The following VAPB variants were observed in gnomAD, a reference collection of about 807,000 sequenced individuals.
The protein encoded by VAPB is VAMP associated protein B and C.
A neutral mutation model predicts 25.6 loss-of-function variants in VAPB; 7 were observed. The observed-to-expected ratio is 0.27, with a 90% confidence interval of 0.16 to 0.51. The LOEUF is 0.51. Among genes scored for constraint, VAPB ranks in the 20% least tolerant of loss-of-function variants. The probability of loss-of-function intolerance (pLI) is 0.97; values close to 1 mark genes in which losing one functional copy is unlikely to be tolerated. For synonymous variants in VAPB, 112 were observed against 109.2 expected, an observed-to-expected ratio of 1.03 and a Z score of -0.16; for missense variants, 266 against 301.3, an observed-to-expected ratio of 0.88 and a Z score of 0.87.
At chr20:58,423,448 A>AAAAAAAAAAAAAC (rs1988718143) in intron 2 of VAPB, among the ~76,000 whole-genome samples, 1 of 140,976 alleles carries the variant, frequency 7.1e-6, no homozygotes, top group Non-Finnish European at 1.5e-5. Context: ...AAAAAAAAAA[A>AAAAAAAAAAAAAC]AGAAAAGAAA....
At chr20:58,437,711 A>C (rs1284813506) in intron 3 of VAPB, among the ~76,000 whole-genome samples, 1 of 151,958 alleles carries the variant, frequency 6.6e-6, no homozygotes, top group Non-Finnish European at 1.5e-5. Context: ...ATTCTTTGCG[A>C]TTTTTTCACT....
chr20:58,449,859 T>A lies in VAPB; in HGVS notation c.*5624T>A, dbSNP rs1448156366. 1 of 454,126 alleles carries A rather than the reference T, an allele frequency of 2.2e-6. No homozygotes were observed. Among genetic ancestry groups the A allele is most frequent in the Non-Finnish European group, 4.4e-6 (1 of 226,776 alleles). 28.1% of individuals were successfully genotyped at this position (454,126 alleles called of 1,614,324 possible). On this transcript the variant is annotated 3_prime_UTR_variant, in exon 6 of 6. Coordinates refer to ENST00000475243, the MANE Select transcript of VAPB (RefSeq NM_004738.5). ...AGCTGCAGGAGTGCGCCTGGCCTTC[T>A]GCAGGTGGAGCTGCTGTCAGAGCTT...
Position 58,439,022 on chromosome 20 carries a change from A to G in VAPB, c.393A>G (p.Lys131=). The G allele has an allele frequency of 3.7e-6, 6 of 1,611,916 alleles. No homozygotes were observed. The highest frequency in any genetic ancestry group is 5.1e-6 in the Non-Finnish European group (6 of 1,178,274). ...TTGAATTGCCAGCAGAGAATGATAA[A>G]CCAGTAAGTATATTTATAGTTAACA... The part of the protein sequence containing the change: ...CVFELPAEND[K]PHDVEINKII... The change falls in exon 4 of 6, where the codon AAA becomes AAG. Residue 131 remains lysine (K), a synonymous_variant. Transcript: ENST00000475243.
intron 1 of VAPB, among the ~76,000 whole-genome samples, chr20:58,412,476 T>C (rs1033447507): frequency 6.1e-5 from 9 of 148,332 alleles, no homozygotes; most frequent in Admixed American, 2.0e-4. Flanking sequence ...ACTTGGGAGG[T>C]TGGGGCATGA....
At position 58,445,284 on chromosome 20, in the gene VAPB, C is replaced by T. The variant is rs990869685; in HGVS notation, c.*1049C>T. ...TCTCAACCATTACTCACACTTCCAGCGCCCAGGTCCAAGTCTGAGCCTGAC... is the reference window on the plus strand; with the variant it reads ...TCTCAACCATTACTCACACTTCCAGTGCCCAGGTCCAAGTCTGAGCCTGAC... On this transcript the variant is annotated 3_prime_UTR_variant, in exon 6 of 6. Coordinates refer to ENST00000475243, the MANE Select transcript of VAPB (RefSeq NM_004738.5). 4 of 454,184 alleles carry T rather than the reference C, an allele frequency of 8.8e-6. No homozygotes were observed. The highest frequency in any genetic ancestry group is 2.0e-5 in the African/African-American group (1 of 49,976). 28.1% of individuals were successfully genotyped at this position (454,184 alleles called of 1,614,324 possible). A position where few individuals can be genotyped will look rare whatever the true frequency, so the allele number is the denominator to read the frequency against.
chr20:58,414,330 C>G (rs1377024377), intron 1 of VAPB, among the ~76,000 whole-genome samples: 4 of 150,116 alleles, frequency 2.7e-5, no homozygotes, highest in East Asian at 4.0e-4. Context: ...GGCTGACCCC[C>G]CCCACCTCCC....
At chr20:58,410,971 A>G (rs1407708246) in intron 1 of VAPB, among the ~76,000 whole-genome samples, 2 of 152,188 alleles carry the variant, frequency 1.3e-5, no homozygotes, top group African/African-American at 4.8e-5. Context: ...GCAGTTATGA[A>G]TAAAGCTGCT....
At chr20:58,391,389 A>G (rs1269014975) in intron 1 of VAPB, among the ~76,000 whole-genome samples, 1 of 148,954 alleles carries the variant, frequency 6.7e-6, no homozygotes, top group Non-Finnish European at 1.5e-5. Context: ...TCAACTCCTG[A>G]AAGAGGTGTC....
chr20:58,402,630 C>G (rs552925671), intron 1 of VAPB, among the ~76,000 whole-genome samples: 1 of 149,872 alleles, frequency 6.7e-6, no homozygotes, highest in Non-Finnish European at 1.5e-5. Flanking sequence ...CAGCACAGTG[C>G]ATGGTGCATG....
At chr20:58,405,539 T>A (rs767420725) in intron 1 of VAPB, among the ~76,000 whole-genome samples, 2 of 151,932 alleles carry the variant, frequency 1.3e-5, no homozygotes, top group Non-Finnish European at 2.9e-5. Context: ...CTCGGTTCAC[T>A]GCAACCTCTG....
intron 1 of VAPB, among the ~76,000 whole-genome samples, chr20:58,393,123 T>C (rs1041173674): frequency 6.6e-6 from 1 of 152,178 alleles, no homozygotes; most frequent in African/African-American, 2.4e-5. Context: ...AGCCTCAAAC[T>C]CCTGGGCTCA....
Sources: gnomAD v4.1 joint callset for allele counts (sites outside exome capture counted in the v4.1 genomes callset) on GRCh38, gnomAD v4.1.1 for gene constraint, MANE v1.5 for transcripts, NCBI Gene and HGNC (gene_info 2026-07-23, HGNC 2026-07-21) for gene names.